The following PI4KA variants were observed in gnomAD, a reference collection of about 807,000 sequenced individuals.
PI4KA encodes PI4-kinase alpha.
A neutral mutation model predicts 271.4 loss-of-function variants in PI4KA; 122 were observed. The observed-to-expected ratio is 0.45, with a 90% CI of 0.39 to 0.52. PI4KA has a LOEUF of 0.52. Ranked by LOEUF, PI4KA falls within the 20% of genes least tolerant of loss-of-function variation. The probability of loss-of-function intolerance (pLI) is 0.00; values close to 1 mark genes in which losing one functional copy is unlikely to be tolerated. For synonymous variants in PI4KA, 1,041 were observed against 1,078.8 expected, an observed-to-expected ratio of 0.96 and a Z score of 0.69; for missense variants, 1,969 against 2,769.1, an observed-to-expected ratio of 0.71 and a Z score of 6.48.
chr22:20,738,564 C>T (rs1278551711), intron 32 of PI4KA, among the ~76,000 whole-genome samples: 1 of 152,104 alleles, frequency 6.6e-6, no homozygotes, highest in African/African-American at 2.4e-5. Context: ...GGGACCTGGA[C>T]AGGTCAGGTC....
intron 50 of PI4KA, 124 bp from the exon 51 acceptor site, chr22:20,711,585 C>G: frequency 9.0e-7 from 1 of 1,107,834 alleles, no homozygotes; most frequent in Non-Finnish European, 1.3e-6. Context: ...ACTGTGGAAG[C>G]AGAGCCCGAA....
intron 19 of PI4KA, among the ~76,000 whole-genome samples, chr22:20,765,907 C>CAGGGAG (rs1364883141): frequency 6.6e-6 from 1 of 152,174 alleles, no homozygotes; most frequent in Admixed American, 6.5e-5. Context: ...GGTGCTGTGC[C>CAGGGAG]AGGGAGGAAA....
At chr22:20,710,901 G>A in intron 51 of PI4KA, 43 bp from the exon 52 acceptor site, 1 of 1,606,342 alleles carries the variant, frequency 6.2e-7, no homozygotes, top group Non-Finnish European at 8.5e-7. Flanking sequence ...GTAGGAGCCA[G>A]GGCGGGCAAG....
intron 19 of PI4KA, chr22:20,786,103 T>G: frequency 6.2e-7 from 1 of 1,614,050 alleles, no homozygotes. Context: ...TTGACAAAAA[T>G]GGCAACATGG....
chr22:20,765,827 A>G (rs1015903113), intron 19 of PI4KA, 134 bp from the exon 20 acceptor site: 3 of 629,634 alleles, frequency 4.8e-6, no homozygotes. Context: ...GAAAAGGCAC[A>G]CTGAGCAGTG....
intron 38 of PI4KA, 32 bp downstream of exon 38, chr22:20,729,600 G>A: frequency 6.4e-7 from 1 of 1,554,954 alleles, no homozygotes; most frequent in Non-Finnish European, 8.7e-7. Flanking sequence ...CAGGTGGCGG[G>A]CAGCAGGCAC....
chr22:20,831,478 G>C (rs144838372), intron 3 of PI4KA, among the ~76,000 whole-genome samples: 4,508 of 152,202 alleles, frequency 0.03, 90 homozygotes, highest in Middle Eastern at 0.061. Flanking sequence ...TGAGGCATGA[G>C]AATTGCTTGA....
chr22:20,794,236 T>C (rs1377881364), intron 18 of PI4KA, among the ~76,000 whole-genome samples: 1 of 152,166 alleles, frequency 6.6e-6, no homozygotes, highest in East Asian at 1.9e-4. Context: ...CCCACAGACC[T>C]TAGTTTAATT....
At chr22:20,836,419 T>A (rs1924875671) in intron 2 of PI4KA, among the ~76,000 whole-genome samples, 1 of 152,216 alleles carries the variant, frequency 6.6e-6, no homozygotes, top group Non-Finnish European at 1.5e-5. Context: ...GGCTAAGACA[T>A]CTGTCGAGGA....
At chr22:20,762,247 A>C (rs558307734) in intron 22 of PI4KA, among the ~76,000 whole-genome samples, 1 of 152,254 alleles carries the variant, frequency 6.6e-6, no homozygotes, top group Non-Finnish European at 1.5e-5. Context: ...CCAACCTGTC[A>C]AGAGTTAAGC....
At chr22:20,797,559 T>G (rs762040262) in intron 17 of PI4KA, among the ~76,000 whole-genome samples, 46 of 152,176 alleles carry the variant, frequency 3.0e-4, no homozygotes, top group Non-Finnish European at 5.3e-4. Flanking sequence ...GCTGTTCTAG[T>G]AGCCTGGGCT....
intron 3 of PI4KA, among the ~76,000 whole-genome samples, chr22:20,831,892 T>C (rs1385043513): frequency 6.6e-6 from 1 of 152,206 alleles, no homozygotes; most frequent in Admixed American, 6.5e-5. Flanking sequence ...AAAATACTCA[T>C]GGATAATATC....
chr22:20,759,398 T>C lies in PI4KA; in HGVS notation c.2791+1906A>G, dbSNP rs529035736. Among the ~76,000 whole-genome samples, 11 of 141,642 alleles carry C rather than the reference T, an allele frequency of 7.8e-5. 1 individual carries two copies. The South Asian group carries it at 2.1e-3, about 26-fold the overall frequency. The allele number at this position is 141,642 out of a possible 152,430, so 92.9% of individuals were successfully genotyped here. On this transcript the variant is annotated intron_variant, in intron 23 of 54. Coordinates refer to ENST00000255882, the MANE Select transcript of PI4KA (RefSeq NM_058004.4). ...AGCGTTGATTTTTCTTTTTCTTTTC[T>C]TTTCTTTTTTTTTTTTTTTTTTTTT...
intron 53 of PI4KA, 99 bp from the exon 54 acceptor site, chr22:20,709,478 G>A: frequency 1.3e-6 from 1 of 773,850 alleles, no homozygotes; most frequent in South Asian, 1.5e-5. Flanking sequence ...CTTCAGCTGA[G>A]AGCCACGCCC....
intron 19 of PI4KA, among the ~76,000 whole-genome samples, chr22:20,770,587 C>G (rs964786759): frequency 1.4e-5 from 1 of 71,248 alleles, no homozygotes; most frequent in Admixed American, 1.6e-4. Flanking sequence ...CGGACACACA[C>G]ACACACACAC....
Position 20,801,993 on chromosome 22 carries a change from G to T in PI4KA, c.1704C>A (p.Ile568=), listed in dbSNP as rs200219320. Residue 568 remains isoleucine, a synonymous_variant, in exon 14 of 55, where the codon ATC becomes ATA. Transcript: ENST00000255882. ...QPSMYEQLRD[I]AIDNICRCLK... is the part of the protein sequence containing the mutation. Reference sequence around the variant, plus strand: ...CCCACCTGCAGATGTTGTCAATAGCGATGTCTCGGAGCTGCTCGTACATGG... The same window carrying T: ...CCCACCTGCAGATGTTGTCAATAGCTATGTCTCGGAGCTGCTCGTACATGG... The T allele has an allele frequency of 1.1e-5, 18 of 1,614,116 alleles. No individual in the cohort carries two copies. The East Asian group carries it at 3.6e-4, about 32-fold the overall frequency.
At chr22:20,839,218 A>AAAAC (rs746226816) in intron 1 of PI4KA, among the ~76,000 whole-genome samples, 1 of 152,250 alleles carries the variant, frequency 6.6e-6, no homozygotes, top group South Asian at 2.1e-4. Context: ...CTCTGTCTCA[A>AAAAC]AAACAAACAA....
chr22:20,734,337 C>T (rs960430071), intron 33 of PI4KA, 58 bp downstream of exon 33: 3 of 1,422,276 alleles, frequency 2.1e-6, no homozygotes, highest in Non-Finnish European at 9.6e-7. Context: ...ACCCCAGGAA[C>T]AGTCCTGGCC....
chr22:20,727,733 G>A (rs1354606411), intron 40 of PI4KA, 41 bp downstream of exon 40: 4 of 1,455,616 alleles, frequency 2.7e-6, no homozygotes, highest in East Asian at 4.5e-5. Flanking sequence ...GTGCTATTTT[G>A]TGCAGTTTGA....
Sources: gnomAD v4.1 joint callset for allele counts (sites outside exome capture counted in the v4.1 genomes callset) on GRCh38, gnomAD v4.1.1 for gene constraint, MANE v1.5 for transcripts, NCBI Gene and HGNC (gene_info 2026-07-23, HGNC 2026-07-21) for gene names.